ZNRF1: variants seen among roughly 807,000 people sequenced by gnomAD.
The protein encoded by ZNRF1 is zinc and ring finger 1.
In ZNRF1, 3 loss-of-function variants were observed where a neutral mutation model predicts 18.4. The ratio of observed to expected loss-of-function variants is 0.16; its 90% CI spans 0.07 to 0.42. The LOEUF is 0.42. Among genes scored for constraint, ZNRF1 ranks in the 10% least tolerant of loss-of-function variants. The pLI is 0.99. For missense variants in ZNRF1, 310 were observed against 329.8 expected, an observed-to-expected ratio of 0.94 and a Z score of 0.47; for synonymous variants, 157 against 144.2, an observed-to-expected ratio of 1.09 and a Z score of -0.64.
intron 1 of ZNRF1, among the ~76,000 whole-genome samples, chr16:75,070,955 C>G (rs1223569454): frequency 6.6e-6 from 1 of 152,190 alleles, no homozygotes; most frequent in Non-Finnish European, 1.5e-5. Flanking sequence ...AAAATACCCC[C>G]AAACTCGATC....
chr16:75,065,285 G>A (rs762006388), intron 1 of ZNRF1, among the ~76,000 whole-genome samples: 2 of 152,196 alleles, frequency 1.3e-5, no homozygotes, highest in Non-Finnish European at 2.9e-5. Context: ...CTGCACTGGG[G>A]TTTGCAGGGC....
intron 1 of ZNRF1, among the ~76,000 whole-genome samples, chr16:75,035,562 T>G (rs1391228567): frequency 1.3e-5 from 2 of 151,952 alleles, no homozygotes; most frequent in East Asian, 3.9e-4. Flanking sequence ...GGAGTGAAAG[T>G]TTATTAAAAA....
chr16:75,065,196 A>G (rs982585665), intron 1 of ZNRF1, among the ~76,000 whole-genome samples: 3 of 152,258 alleles, frequency 2.0e-5, no homozygotes, highest in Admixed American at 6.5e-5. Flanking sequence ...AGCAAAAATG[A>G]TAAGAAAGCC....
chr16:75,095,774 C>T, intron 2 of ZNRF1: 1 of 1,494,986 alleles, frequency 6.7e-7, no homozygotes, highest in African/African-American at 1.4e-5. Flanking sequence ...GCTCCTCTGC[C>T]AGAGAACTGC....
chr16:75,043,030 T>C (rs76549797), intron 1 of ZNRF1, among the ~76,000 whole-genome samples: 3,119 of 152,256 alleles, frequency 0.02, 102 homozygotes, highest in African/African-American at 0.071. Context: ...TCATCCCACC[T>C]CCTTGTCTCA....
chr16:75,072,855 C>T (rs573869914), intron 1 of ZNRF1, among the ~76,000 whole-genome samples: 1 of 152,288 alleles, frequency 6.6e-6, no homozygotes, highest in Non-Finnish European at 1.5e-5. Flanking sequence ...GTGAGGGAGG[C>T]ATTACAATGA....
At chr16:75,010,716 T>G (rs1464024271) in intron 1 of ZNRF1, among the ~76,000 whole-genome samples, 5 of 58,340 alleles carry the variant, frequency 8.6e-5, no homozygotes, top group African/African-American at 1.4e-4. Flanking sequence ...TTTTTGTTTT[T>G]TTGTTTTTTT....
chr16:75,101,654 C>T (rs939481318), intron 2 of ZNRF1, among the ~76,000 whole-genome samples: 3 of 152,204 alleles, frequency 2.0e-5, no homozygotes, highest in Admixed American at 2.0e-4. Flanking sequence ...CCTTCTGATG[C>T]ATTTCATAGT....
chr16:75,073,808 A>G (rs2145403768), intron 1 of ZNRF1, among the ~76,000 whole-genome samples: 1 of 151,996 alleles, frequency 6.6e-6, no homozygotes. Context: ...CTGTATTCTG[A>G]TTGACCTGTG....
intron 1 of ZNRF1, among the ~76,000 whole-genome samples, chr16:75,001,603 T>G (rs763628869): frequency 6.6e-6 from 1 of 152,222 alleles, no homozygotes; most frequent in Non-Finnish European, 1.5e-5. Flanking sequence ...GAGTTAGCCA[T>G]ATTTTTGAGA....
chr16:75,051,301 G>A (rs1332614467), intron 1 of ZNRF1, among the ~76,000 whole-genome samples: 15 of 152,096 alleles, frequency 9.9e-5, no homozygotes, highest in Non-Finnish European at 1.0e-4. Context: ...TCTGCCTCCC[G>A]GGTTCAAGCA....
chr16:75,029,950 C>G (rs1248122866), intron 1 of ZNRF1, among the ~76,000 whole-genome samples: 2 of 151,330 alleles, frequency 1.3e-5, no homozygotes, highest in Admixed American at 6.6e-5. Flanking sequence ...GTAATCCCAG[C>G]TACTCAAGAG....
At chr16:75,071,535 G>A (rs1009813574) in intron 1 of ZNRF1, among the ~76,000 whole-genome samples, 4 of 152,104 alleles carry the variant, frequency 2.6e-5, no homozygotes, top group African/African-American at 9.7e-5. Context: ...CAAGGGTGAG[G>A]GTCTTGAAAT....
At chr16:75,093,122 T>A (rs949006910) in intron 1 of ZNRF1, among the ~76,000 whole-genome samples, 2 of 152,192 alleles carry the variant, frequency 1.3e-5, no homozygotes, top group Non-Finnish European at 2.9e-5. Context: ...CGGTGGCTCA[T>A]GCCTGTAATC....
At chr16:75,100,471 TCCTCATA>T (rs905013772) in intron 2 of ZNRF1, among the ~76,000 whole-genome samples, 1 of 152,128 alleles carries the variant, frequency 6.6e-6, no homozygotes, top group Non-Finnish European at 1.5e-5. Context: ...CTAAGCCTTA[TCCTCATA>T]CCTGCCTCTC....
rs377386685 is a variant in ZNRF1, at chr16:75,104,777, C to G, written c.521-7C>G. On this transcript the variant is annotated splice_region_variant and splice_polypyrimidine_tract_variant and intron_variant, in intron 2 of 4. Coordinates refer to ENST00000335325, the MANE Select transcript of ZNRF1 (RefSeq NM_032268.5). The stretch of plus-strand genomic sequence containing the variant: ...CCCTCCTGCACTCTCCCCTGTCCCC[C>G]TTGCAGATGATGTGCTGACTAAAGA... The G allele has an allele frequency of 5.6e-6, 9 of 1,594,854 alleles. No individual in the cohort carries two copies. The highest frequency in any genetic ancestry group is 6.0e-6 in the Non-Finnish European group (7 of 1,171,460).
chr16:75,076,936 G>A (rs1329899324), intron 1 of ZNRF1, among the ~76,000 whole-genome samples: 4 of 152,058 alleles, frequency 2.6e-5, no homozygotes, highest in East Asian at 3.9e-4. Flanking sequence ...AGACCTGGCA[G>A]CACCTTGATC....
At position 75,091,368 on chromosome 16, in the gene ZNRF1, AAAAG is replaced by A. The variant is rs1220958103; in HGVS notation, c.425-2200_425-2197del. Among the ~76,000 whole-genome samples, 26 of 150,570 alleles carry A rather than the reference AAAAG, an allele frequency of 1.7e-4. No homozygotes were observed. The East Asian group carries it at 3.7e-3, about 22-fold the overall frequency. On this transcript the variant is annotated intron_variant, in intron 1 of 4. Coordinates refer to ENST00000335325, the MANE Select transcript of ZNRF1 (RefSeq NM_032268.5). ...AGTAAGACTCCATCTCAAAAAAAAAAAAAGAAAAGAAAAGAAATATTGCAGATGG... is the reference window on the plus strand; with the variant it reads ...AGTAAGACTCCATCTCAAAAAAAAAAAAAAGAAAAGAAATATTGCAGATGG...
At chr16:75,040,987 A>G (rs1003150733) in intron 1 of ZNRF1, among the ~76,000 whole-genome samples, 3 of 152,146 alleles carry the variant, frequency 2.0e-5, no homozygotes, top group Non-Finnish European at 2.9e-5. Context: ...TTATTGCTAA[A>G]TAGTATTCCA....
Sources: gnomAD v4.1 joint callset for allele counts (sites outside exome capture counted in the v4.1 genomes callset) on GRCh38, gnomAD v4.1.1 for gene constraint, MANE v1.5 for transcripts, NCBI Gene and HGNC (gene_info 2026-07-23, HGNC 2026-07-21) for gene names.